The following STPG2 variants were observed in gnomAD, a reference collection of about 807,000 sequenced individuals.
The protein encoded by STPG2 is sperm tail PG-rich repeat containing 2, also known as sperm-tail PG-rich repeat-containing protein 2.
Under a neutral mutation model 54.2 loss-of-function variants are expected in STPG2, and 56 were observed. That is an observed-to-expected ratio of 1.03 (90% CI 0.83 to 1.29). The LOEUF (loss-of-function observed/expected upper bound fraction) is 1.29, where lower values mean the gene tolerates loss of function less well. STPG2 is among the 50% of genes most tolerant of loss of function. STPG2 has a pLI of 0.00. For missense variants in STPG2, 596 were observed against 544.9 expected (o/e 1.09, Z -0.93); for synonymous variants, 200 against 181.8 (o/e 1.10, Z -0.81).
At chr4:97,993,956 C>T (rs1735109101) in intron 5 of STPG2, among the ~76,000 whole-genome samples, 2 of 151,928 alleles carry the variant, frequency 1.3e-5, no homozygotes, top group African/African-American at 4.8e-5. Context: ...TCTAATTAAG[C>T]TTATTTGGAT....
chr4:97,583,186 G>T (rs2148892258), intron 10 of STPG2, among the ~76,000 whole-genome samples: 1 of 152,032 alleles, frequency 6.6e-6, no homozygotes, highest in Middle Eastern at 3.4e-3. Context: ...AGAGATAAGT[G>T]TCCAGAACAC....
At chr4:97,606,832 T>C (rs1423699461) in intron 10 of STPG2, among the ~76,000 whole-genome samples, 1 of 151,964 alleles carries the variant, frequency 6.6e-6, no homozygotes. Flanking sequence ...CCTATAATTC[T>C]ATAAATACAA....
At chr4:97,599,146 G>T (rs1733386009) in intron 10 of STPG2, among the ~76,000 whole-genome samples, 1 of 152,064 alleles carries the variant, frequency 6.6e-6, no homozygotes, top group Non-Finnish European at 1.5e-5. Context: ...GCAAGCATAT[G>T]AAAAAAACAC....
At chr4:97,737,295 G>C (rs936168047) in intron 9 of STPG2, among the ~76,000 whole-genome samples, 1 of 152,300 alleles carries the variant, frequency 6.6e-6, no homozygotes, top group Middle Eastern at 3.4e-3. Flanking sequence ...ATTCTAAAAA[G>C]CAGAGTGCCT....
chr4:97,531,017 A>G (rs570774956), intron 4 of STPG2, among the ~76,000 whole-genome samples: 8 of 152,372 alleles, frequency 5.3e-5, no homozygotes, highest in African/African-American at 1.7e-4. Flanking sequence ...GGAAAATTTT[A>G]TAATCTGATT....
Position 97,566,860 on chromosome 4 carries a change from C to T in STPG2, c.1321-7743G>A, listed in dbSNP as rs1045723625. On this transcript the variant is annotated intron_variant, in intron 10 of 10. Coordinates refer to ENST00000295268, the MANE Select transcript of STPG2 (RefSeq NM_174952.3). ...GAACACATGGACACAGGAAGGGGAA[C>T]ATCACACTCTGGGGACTGTTGTGGG... 2.8e-5 allele frequency among the ~76,000 whole-genome samples: 4 copies of T among 141,534 alleles called. No homozygotes were observed. The South Asian group carries it at 9.0e-4, about 32-fold the overall frequency. The allele number at this position is 141,534 out of a possible 152,430, so 92.9% of individuals were successfully genotyped here.
chr4:97,567,483 T>G (rs1450817090), intron 10 of STPG2, among the ~76,000 whole-genome samples: 3 of 150,566 alleles, frequency 2.0e-5, no homozygotes, highest in African/African-American at 4.9e-5. Flanking sequence ...CCTCTCCCCA[T>G]AATCTGACTT....
chr4:97,701,441 C>G lies in STPG2; in HGVS notation c.1320+11258G>C, dbSNP rs189183079. ...CAGTGTTCAGTAGTCCCCAAAATGTCTGATAATTTCCCTTTCCCCAATGCA... is the reference window on the plus strand; with the variant it reads ...CAGTGTTCAGTAGTCCCCAAAATGTGTGATAATTTCCCTTTCCCCAATGCA... On this transcript the variant is annotated intron_variant, in intron 10 of 10. Transcript: ENST00000295268. 4.2e-3 allele frequency among the ~76,000 whole-genome samples: 633 copies of G among 152,272 alleles called. 3 individuals carry two copies. Among genetic ancestry groups the G allele is most frequent in the South Asian group, 0.02 (98 of 4,816 alleles).
chr4:97,858,383 G>T (rs1729398844), intron 8 of STPG2, among the ~76,000 whole-genome samples: 1 of 152,146 alleles, frequency 6.6e-6, no homozygotes, highest in Admixed American at 6.6e-5. Flanking sequence ...GGCCATGAAA[G>T]AGTAGCATGA....
At chr4:97,932,800 T>C (rs754209113) in intron 8 of STPG2, among the ~76,000 whole-genome samples, 1 of 152,244 alleles carries the variant, frequency 6.6e-6, no homozygotes, top group Non-Finnish European at 1.5e-5. Context: ...ATGTCTTTGC[T>C]ATTGTGAATA....
chr4:97,965,014 G>A (rs1302202061), intron 7 of STPG2, among the ~76,000 whole-genome samples: 1 of 152,138 alleles, frequency 6.6e-6, no homozygotes, highest in Admixed American at 6.6e-5. Context: ...GCCCACAGAG[G>A]GCAAGCCGAA....
At chr4:98,071,628 A>G (rs1203977038) in intron 5 of STPG2, among the ~76,000 whole-genome samples, 1 of 152,206 alleles carries the variant, frequency 6.6e-6, no homozygotes, top group Admixed American at 6.5e-5. Context: ...TGAATAGACA[A>G]CCTAAAGAAT....
intron 4 of STPG2, among the ~76,000 whole-genome samples, chr4:97,498,908 A>G (rs2148831896): frequency 6.6e-6 from 1 of 152,078 alleles, no homozygotes; most frequent in African/African-American, 2.4e-5. Context: ...CAGCCAGAAA[A>G]AGTAGAATGC....
intron 10 of STPG2, among the ~76,000 whole-genome samples, chr4:97,617,091 A>G (rs573140287): frequency 1.3e-5 from 2 of 151,492 alleles, no homozygotes; most frequent in African/African-American, 4.9e-5. Context: ...GGCTAGAAAG[A>G]ATTAGGTAAA....
chr4:97,482,867 A>C lies in STPG2; in HGVS notation c.462+229832T>G, dbSNP rs1730259138. ...AGATTAACAGCAGATTTATCAGCAG[A>C]AACCCTACAAGCTAGAAGGGATTGG... is the stretch of plus-strand genomic sequence containing the variant. On this transcript the variant is annotated intron_variant, in intron 4 of 4. Coordinates refer to the STPG2 transcript ENST00000522676. Among the ~76,000 whole-genome samples the C allele has an allele frequency of 2.0e-5, 3 of 151,766 alleles. No homozygotes were observed. The South Asian group carries it at 6.2e-4, about 31-fold the overall frequency.
At chr4:97,879,222 G>A (rs1365918132) in intron 8 of STPG2, among the ~76,000 whole-genome samples, 1 of 152,138 alleles carries the variant, frequency 6.6e-6, no homozygotes, top group Non-Finnish European at 1.5e-5. Context: ...CTACTTCTGA[G>A]GCTTTCAAAC....
intron 5 of STPG2, among the ~76,000 whole-genome samples, chr4:98,027,917 A>C (rs1290704093): frequency 6.6e-6 from 1 of 152,180 alleles, no homozygotes; most frequent in Non-Finnish European, 1.5e-5. Context: ...CCAAGCTGGC[A>C]GTGCTGCTAT....
At chr4:98,100,799 C>G (rs1739009182) in intron 5 of STPG2, among the ~76,000 whole-genome samples, 1 of 151,604 alleles carries the variant, frequency 6.6e-6, no homozygotes, top group South Asian at 2.1e-4. Context: ...CCTCAGCCTC[C>G]TGAGTATCTG....
chr4:97,981,024 T>TA (rs1734656043), intron 6 of STPG2, 135 bp downstream of exon 6: 2 of 856,200 alleles, frequency 2.3e-6, no homozygotes, highest in African/African-American at 3.4e-5. Flanking sequence ...GTGAATGCTT[T>TA]AAAAAATGTT....
Sources: allele counts gnomAD v4.1 joint callset (sites outside exome capture counted in the v4.1 genomes callset), GRCh38; gene constraint gnomAD v4.1.1; transcripts MANE v1.5; gene names NCBI Gene and HGNC (gene_info 2026-07-23, HGNC 2026-07-21).